Variants in DIP2C observed in about 807,000 individuals in gnomAD.
DIP2C encodes the protein disco-interacting protein 2 homolog C.
A neutral mutation model predicts 192.4 loss-of-function variants in DIP2C; 33 were observed. The observed-to-expected ratio is 0.17, with a 90% confidence interval of 0.13 to 0.23. The LOEUF is 0.23. Ranked by LOEUF, DIP2C falls within the 10% of genes least tolerant of loss-of-function variation. The pLI, the probability that DIP2C is intolerant of heterozygous loss-of-function variation, is 1.00. For synonymous variants in DIP2C, 979 were observed against 864.1 expected (o/e 1.13, Z -2.33); for missense variants, 1,537 against 2,110.1 (o/e 0.73, Z 5.32).
chr10:630,208 GT>G (rs1309533125), intron 1 of DIP2C: 5 of 152,092 alleles, frequency 3.3e-5, no homozygotes, highest in Admixed American at 1.3e-4. Context: ...TTGACTAGTT[GT>G]TTTTCTTTTC....
intron 28 of DIP2C, 63 bp downstream of exon 28, chr10:344,746 C>T (rs1958346425): frequency 2.1e-6 from 3 of 1,415,814 alleles, no homozygotes; most frequent in South Asian, 2.5e-5. Flanking sequence ...AGCACGTGAC[C>T]TGCCACCTCC....
At chr10:368,791 G>A (rs556028447) in intron 18 of DIP2C, among the ~76,000 whole-genome samples, 40 of 152,256 alleles carry the variant, frequency 2.6e-4, no homozygotes, top group Non-Finnish European at 4.8e-4. Context: ...GGGCTCAGCA[G>A]GAGACACAGG....
intron 7 of DIP2C, 72 bp from the exon 8 acceptor site, chr10:414,182 T>A (rs1348030321): frequency 6.7e-7 from 1 of 1,484,758 alleles, no homozygotes; most frequent in African/African-American, 1.4e-5. Context: ...TTATTCTTTA[T>A]AAAGAAGCCA....
intron 1 of DIP2C, among the ~76,000 whole-genome samples, chr10:643,182 C>A (rs1855287201): frequency 6.8e-6 from 1 of 146,996 alleles, no homozygotes; most frequent in Non-Finnish European, 1.5e-5. Flanking sequence ...CGCGCCACTG[C>A]ACTCCAGCCT....
intron 17 of DIP2C, among the ~76,000 whole-genome samples, chr10:377,386 A>C (rs1961747860): frequency 6.6e-6 from 1 of 152,160 alleles, no homozygotes; most frequent in South Asian, 2.1e-4. Context: ...ATTCACCACA[A>C]AACAGAACAC....
rs1958362268 is a variant in DIP2C, at chr10:345,002, T to C, written c.3340A>G (p.Thr1114Ala). The change falls in exon 27 of 37, where the codon ACA becomes GCA. Residue 1114 changes from threonine (T) to alanine (A), a missense_variant. By Grantham distance (58) the Thr-to-Ala change is moderately conservative. Around this residue, in one of 4 missense-constraint regions of DIP2C, gnomAD observed 677 missense variants for 989.9 expected, o/e 0.68. Coordinates refer to ENST00000280886, the MANE Select transcript of DIP2C (RefSeq NM_014974.3). ...CTTCTGCAGCTAAAGCACCAACCTG[T>C]GTCCAGGATGAGGGGCCACGTCCTG... ...DVRTWPLILD[T>A]DDLPKKRPAQ... 6.2e-7 allele frequency: 1 copy of C among 1,612,092 alleles called. No individual in the cohort carries two copies. The highest frequency in any genetic ancestry group is 8.5e-7 in the Non-Finnish European group (1 of 1,179,554).
chr10:586,662 T>G lies in DIP2C; in HGVS notation c.86-100132A>C, dbSNP rs574525841. Among the ~76,000 whole-genome samples, 4 of 152,306 alleles carry G rather than the reference T, an allele frequency of 2.6e-5. No individual in the cohort carries two copies. In the South Asian group the frequency reaches 8.3e-4, roughly 32 times the overall value. ...GTTAACAGATTTTTGTGAGGAAACT[T>G]TCACTGGGAAAAACACCATCTCAAG... On this transcript the variant is annotated intron_variant, in intron 1 of 36. Transcript: ENST00000280886.
Position 592,453 on chromosome 10 carries a change from T to C in DIP2C, c.85+97041A>G, listed in dbSNP as rs927631143. Among the ~76,000 whole-genome samples the C allele has an allele frequency of 1.4e-4, 21 of 152,304 alleles. 1 individual carries two copies. Among genetic ancestry groups the C allele is most frequent in the African/African-American group, 5.1e-4 (21 of 41,562 alleles). On this transcript the variant is annotated intron_variant, in intron 1 of 36. Coordinates refer to ENST00000280886, the MANE Select transcript of DIP2C (RefSeq NM_014974.3). ...ACGAAAACAGATGAATGACGGTTTGTTCCCACCATGGAATATTCCTCAGCA... is the reference window on the plus strand; with the variant it reads ...ACGAAAACAGATGAATGACGGTTTGCTCCCACCATGGAATATTCCTCAGCA...
At chr10:577,595 A>AG (rs1850249861) in intron 1 of DIP2C, among the ~76,000 whole-genome samples, 1 of 152,244 alleles carries the variant, frequency 6.6e-6, no homozygotes, top group South Asian at 2.1e-4. Flanking sequence ...GATGGGATGA[A>AG]GGGCCCCAGC....
At chr10:393,790 A>AG (rs1157249077) in intron 10 of DIP2C, among the ~76,000 whole-genome samples, 5 of 133,864 alleles carry the variant, frequency 3.7e-5, no homozygotes, top group Non-Finnish European at 5.1e-5. Flanking sequence ...AAAAAAAAAA[A>AG]AAAAAAGAAA....
intron 31 of DIP2C, 89 bp from the exon 32 acceptor site, chr10:310,181 T>C: frequency 7.9e-7 from 1 of 1,260,288 alleles, no homozygotes; most frequent in Non-Finnish European, 1.1e-6. Flanking sequence ...ATTTCTTTTG[T>C]AAAATCTTAA....
At chr10:384,197 C>T in intron 15 of DIP2C, 51 bp from the exon 16 acceptor site, 1 of 1,596,986 alleles carries the variant, frequency 6.3e-7, no homozygotes, top group Non-Finnish European at 8.5e-7. Context: ...CAGATCGTCC[C>T]CTATTGCAAA....
rs749764469 is a variant in DIP2C at position 364,565 on chromosome 10, G to A, written c.2286C>T (p.Ser762=). Residue 762 remains serine (S), a synonymous_variant, in exon 20 of 37, where the codon AGC becomes AGT. Transcript: ENST00000280886. ...KNTFEVFPMT[S]SGAPISEYPF... ...GGTATTCACTGATCGGAGCCCCGGAGCTTGTCATGGGAAACACCTGGGGGA... is the reference window on the plus strand; with the variant it reads ...GGTATTCACTGATCGGAGCCCCGGAACTTGTCATGGGAAACACCTGGGGGA... 1.9e-6 allele frequency: 3 copies of A among 1,613,920 alleles called. No individual in the cohort carries two copies. Among genetic ancestry groups the A allele is most frequent in the Non-Finnish European group, 2.5e-6 (3 of 1,179,828 alleles).
At chr10:352,776 T>C (rs114720282) in intron 24 of DIP2C, among the ~76,000 whole-genome samples, 3,905 of 152,260 alleles carry the variant, frequency 0.026, 157 homozygotes, top group African/African-American at 0.089. Context: ...CCTTCTTCCT[T>C]GCCACCTTTC....
intron 1 of DIP2C, among the ~76,000 whole-genome samples, chr10:517,532 GA>G (rs1846438854): frequency 6.6e-6 from 1 of 152,020 alleles, no homozygotes. Flanking sequence ...AGGTGTTTGG[GA>G]AAAGCCTCCT....
Position 377,098 on chromosome 10 carries a change from T to A in DIP2C, c.1991+5549A>T, listed in dbSNP as rs185980131. Among the ~76,000 whole-genome samples the A allele has an allele frequency of 2.2e-3, 329 of 152,010 alleles. 2 individuals carry two copies. Among genetic ancestry groups the A allele is most frequent in the African/African-American group, 7.3e-3 (303 of 41,462 alleles). Reference sequence around the variant, plus strand: ...TTTACAAGCTGCACAGCACGGAAAGTGAGCTGCCCATCTTTACTGCCTCAC... The same window carrying A: ...TTTACAAGCTGCACAGCACGGAAAGAGAGCTGCCCATCTTTACTGCCTCAC... On this transcript the variant is annotated intron_variant, in intron 17 of 36. Coordinates refer to ENST00000280886, the MANE Select transcript of DIP2C (RefSeq NM_014974.3).
Position 609,416 on chromosome 10 carries a change from G to T in DIP2C, c.85+80078C>A, listed in dbSNP as rs537637498. Among the ~76,000 whole-genome samples the T allele has an allele frequency of 3.3e-5, 5 of 152,260 alleles. No homozygotes were observed. In the South Asian group the frequency reaches 6.2e-4, roughly 19 times the overall value. On this transcript the variant is annotated intron_variant, in intron 1 of 36. Coordinates refer to ENST00000280886, the MANE Select transcript of DIP2C (RefSeq NM_014974.3). ...ACTTACAATCTATCAAACAATACTG[G>T]AGCAAGCTTGAAATACTAGCCACAT...
chr10:487,567 G>GTT lies in DIP2C; in HGVS notation c.86-1039_86-1038dup, dbSNP rs71376836. The stretch of plus-strand genomic sequence containing the variant: ...AACCCGCATCCGCCCATCAATGAGT[G>GTT]TTTTTTTTTTTTTTTTTTTTTTTTT... On this transcript the variant is annotated intron_variant, in intron 1 of 36. Transcript: ENST00000280886. Among the ~76,000 whole-genome samples, 421 of 54,192 alleles carry GTT rather than the reference G, an allele frequency of 7.8e-3. 72 individuals are homozygous for GTT. The highest frequency in any genetic ancestry group is 0.023 in the African/African-American group (286 of 12,570). The allele number at this position is 54,192 out of a possible 152,430, so 35.6% of individuals were successfully genotyped here.
intron 1 of DIP2C, among the ~76,000 whole-genome samples, chr10:527,196 G>A (rs910767606): frequency 6.6e-6 from 1 of 152,220 alleles, no homozygotes; most frequent in African/African-American, 2.4e-5. Context: ...AAGTGCGGCA[G>A]TGGGTGCATC....
Sources: allele counts gnomAD v4.1 joint callset (sites outside exome capture counted in the v4.1 genomes callset), GRCh38; gene constraint gnomAD v4.1.1; regional missense constraint gnomAD v4.1.1; transcripts MANE v1.5; gene names NCBI Gene and HGNC (gene_info 2026-07-23, HGNC 2026-07-21).